Variants in NDST4 observed in about 807,000 individuals in gnomAD.
NDST4 encodes the protein N-heparan sulfate sulfotransferase 4.
Under a neutral mutation model 100.8 loss-of-function variants are expected in NDST4, and 63 were observed. The ratio of observed to expected loss-of-function variants is 0.62; its 90% confidence interval spans 0.51 to 0.77. The LOEUF (loss-of-function observed/expected upper bound fraction) is 0.77. NDST4 is among the 30% of genes least tolerant of loss of function. The probability of loss-of-function intolerance (pLI) is 0.00; values close to 1 mark genes in which losing one functional copy is unlikely to be tolerated. For missense variants in NDST4, 943 were observed against 1,018.4 expected, an observed-to-expected ratio of 0.93 and a Z score of 1.01; for synonymous variants, 377 against 361.8, an observed-to-expected ratio of 1.04 and a Z score of -0.48.
At chr4:114,845,780 G>A in intron 10 of NDST4, 43 bp downstream of exon 10, 1 of 1,541,178 alleles carries the variant, frequency 6.5e-7, no homozygotes, top group Non-Finnish European at 8.9e-7. Flanking sequence ...CTCCATTTAA[G>A]CTATAACAAA....
At chr4:114,962,172 T>G (rs1726277974) in intron 4 of NDST4, among the ~76,000 whole-genome samples, 1 of 152,060 alleles carries the variant, frequency 6.6e-6, no homozygotes, top group Non-Finnish European at 1.5e-5. Flanking sequence ...TGATAATAGG[T>G]ATCTATGAAA....
At chr4:115,043,819 T>C (rs2126275470) in intron 2 of NDST4, among the ~76,000 whole-genome samples, 1 of 152,200 alleles carries the variant, frequency 6.6e-6, no homozygotes, top group South Asian at 2.1e-4. Context: ...AAAGAAGGGA[T>C]ATAATATAAA....
chr4:115,091,806 T>C (rs181252016), intron 1 of NDST4, among the ~76,000 whole-genome samples: 1 of 152,262 alleles, frequency 6.6e-6, no homozygotes, highest in Admixed American at 6.5e-5. Flanking sequence ...ATAGATTTTA[T>C]TTTTATTCAT....
At chr4:114,865,771 G>A (rs750689392) in intron 7 of NDST4, among the ~76,000 whole-genome samples, 2 of 152,104 alleles carry the variant, frequency 1.3e-5, no homozygotes, top group Non-Finnish European at 2.9e-5. Flanking sequence ...GTTTGCAACT[G>A]ATTAACAGGG....
At chr4:115,080,571 G>GGTTT (rs1322971700) in intron 1 of NDST4, among the ~76,000 whole-genome samples, 1 of 152,026 alleles carries the variant, frequency 6.6e-6, no homozygotes, top group Admixed American at 6.6e-5. Context: ...GGTTTGGTCT[G>GGTTT]AAATATATAA....
chr4:114,883,335 T>G (rs908319591), intron 6 of NDST4, among the ~76,000 whole-genome samples: 3 of 152,092 alleles, frequency 2.0e-5, no homozygotes, highest in Non-Finnish European at 4.4e-5. Context: ...TACTGAGTTA[T>G]AAGGGACCTG....
intron 1 of NDST4, among the ~76,000 whole-genome samples, chr4:115,080,334 A>T (rs493796): frequency 0.23 from 34,793 of 151,874 alleles, 5,389 homozygotes; most frequent in East Asian, 0.46. Context: ...ACTGGGTTTC[A>T]CCATGTTGGC....
Position 115,045,460 on chromosome 4 carries a change from G to A in NDST4, c.978+30599C>T, listed in dbSNP as rs542401411. 2.0e-5 allele frequency among the ~76,000 whole-genome samples: 3 copies of A among 152,272 alleles called. No homozygotes were observed. The South Asian group carries it at 6.2e-4, about 32-fold the overall frequency. ...CTAGAAGAACTTATACTTCAATTGA[G>A]TCTTCTAGTAGTTTCCACAGAAATG... On this transcript the variant is annotated intron_variant, in intron 2 of 13. Coordinates refer to ENST00000264363, the MANE Select transcript of NDST4 (RefSeq NM_022569.3).
At chr4:114,862,353 G>C (rs1184317812) in intron 7 of NDST4, among the ~76,000 whole-genome samples, 1 of 151,956 alleles carries the variant, frequency 6.6e-6, no homozygotes, top group Non-Finnish European at 1.5e-5. Flanking sequence ...TATTTATAAA[G>C]AACTTCATTT....
intron 6 of NDST4, among the ~76,000 whole-genome samples, chr4:114,878,468 T>C (rs1347582797): frequency 6.6e-6 from 1 of 152,208 alleles, no homozygotes; most frequent in Non-Finnish European, 1.5e-5. Flanking sequence ...TCGATTAAAA[T>C]ATCCCAGAAG....
chr4:114,854,389 T>A (rs1206277887), intron 7 of NDST4, among the ~76,000 whole-genome samples: 1 of 152,242 alleles, frequency 6.6e-6, no homozygotes, highest in Non-Finnish European at 1.5e-5. Flanking sequence ...GATGGATACT[T>A]AAGTTGCTTC....
intron 2 of NDST4, among the ~76,000 whole-genome samples, chr4:115,005,509 G>A (rs1458841114): frequency 1.3e-5 from 2 of 152,122 alleles, no homozygotes; most frequent in African/African-American, 4.8e-5. Context: ...AGAACTAGGA[G>A]GCCCACATGG....
At chr4:114,908,678 T>A (rs1325097376) in intron 6 of NDST4, among the ~76,000 whole-genome samples, 1 of 152,186 alleles carries the variant, frequency 6.6e-6, no homozygotes, top group Admixed American at 6.5e-5. Context: ...TCCTCGCTTG[T>A]CTCAGAAAGG....
chr4:115,017,974 G>A (rs1013634076), intron 2 of NDST4, among the ~76,000 whole-genome samples: 2 of 151,752 alleles, frequency 1.3e-5, no homozygotes, highest in Non-Finnish European at 1.5e-5. Flanking sequence ...ATTAATAAGG[G>A]TATGATGTTA....
intron 4 of NDST4, among the ~76,000 whole-genome samples, chr4:114,964,893 C>T (rs1726346011): frequency 1.3e-5 from 2 of 152,084 alleles, no homozygotes; most frequent in African/African-American, 2.4e-5. Context: ...TAGCATAATG[C>T]CCACAAGGTT....
intron 12 of NDST4, among the ~76,000 whole-genome samples, chr4:114,831,139 G>A (rs1469948926): frequency 6.7e-6 from 1 of 149,750 alleles, no homozygotes; most frequent in South Asian, 2.1e-4. Flanking sequence ...TGCAAGCTCC[G>A]CTTCCCGGGT....
At chr4:114,838,790 C>T (rs1475671322) in intron 11 of NDST4, among the ~76,000 whole-genome samples, 3 of 150,586 alleles carry the variant, frequency 2.0e-5, no homozygotes, top group African/African-American at 2.4e-5. Context: ...ATGTTCTGCA[C>T]ATGTAGCCCA....
At chr4:115,035,142 A>G (rs1274784833) in intron 2 of NDST4, among the ~76,000 whole-genome samples, 1 of 152,142 alleles carries the variant, frequency 6.6e-6, no homozygotes, top group Non-Finnish European at 1.5e-5. Flanking sequence ...TTATAATTTC[A>G]TTTGCTTGCA....
At chr4:115,073,244 A>G (rs1729113384) in intron 2 of NDST4, among the ~76,000 whole-genome samples, 1 of 151,980 alleles carries the variant, frequency 6.6e-6, no homozygotes, top group Non-Finnish European at 1.5e-5. Flanking sequence ...GCCACTATGG[A>G]AAACAATATG....
Sources: gnomAD v4.1 joint callset for allele counts (sites outside exome capture counted in the v4.1 genomes callset) on GRCh38, gnomAD v4.1.1 for gene constraint, MANE v1.5 for transcripts, NCBI Gene and HGNC (gene_info 2026-07-23, HGNC 2026-07-21) for gene names.